CERKL: variants seen among roughly 807,000 people sequenced by gnomAD.
The protein encoded by CERKL is CERK like autophagy regulator, also known as ceramide kinase-like protein.
CERKL carries 61 observed loss-of-function variants against 63.4 expected under a neutral mutation model. That is an observed-to-expected ratio of 0.96 (90% CI 0.78 to 1.19). The LOEUF is 1.19. CERKL is among the 50% of genes most tolerant of loss of function. The probability of loss-of-function intolerance (pLI) is 0.00; values close to 1 mark genes in which losing one functional copy is unlikely to be tolerated. For missense variants in CERKL, 675 were observed against 655.5 expected, an observed-to-expected ratio of 1.03 and a Z score of -0.33; for synonymous variants, 250 against 230.5, an observed-to-expected ratio of 1.08 and a Z score of -0.77.
At chr2:181,592,109 C>A (rs1435013621) in intron 2 of CERKL, among the ~76,000 whole-genome samples, 1 of 152,126 alleles carries the variant, frequency 6.6e-6, no homozygotes, top group African/African-American at 2.4e-5. Flanking sequence ...GGGAAGACTT[C>A]TTTATCTTTC....
At position 181,543,232 on chromosome 2, in the gene CERKL, C is replaced by T. The variant is rs116446546; in HGVS notation, c.1365+1468G>A. ...TTGTTTCTATTTTCTGACTTAAAAACAGCAATGAATATATAGTGCTTTGGG... is the reference window on the plus strand; with the variant it reads ...TTGTTTCTATTTTCTGACTTAAAAATAGCAATGAATATATAGTGCTTTGGG... On this transcript the variant is annotated intron_variant, in intron 11 of 12. Coordinates refer to ENST00000410087, the MANE Select transcript of CERKL (RefSeq NM_201548.5). 4.9e-3 allele frequency among the ~76,000 whole-genome samples: 741 copies of T among 152,276 alleles called. 6 individuals are homozygous for T. The highest frequency in any genetic ancestry group is 8.4e-3 in the Non-Finnish European group (574 of 67,984).
intron 5 of CERKL, among the ~76,000 whole-genome samples, chr2:181,552,396 A>G (rs902562748): frequency 6.6e-6 from 1 of 152,120 alleles, no homozygotes; most frequent in Non-Finnish European, 1.5e-5. Flanking sequence ...GTGAGTTCTC[A>G]TGAGATCTGA....
intron 6 of CERKL, among the ~76,000 whole-genome samples, chr2:181,549,369 T>C (rs192520390): frequency 1.3e-5 from 2 of 152,314 alleles, no homozygotes; most frequent in Admixed American, 1.3e-4. Flanking sequence ...GGTTATAAAA[T>C]TATAATTTTG....
chr2:181,589,729 T>G (rs1218522556), intron 2 of CERKL, among the ~76,000 whole-genome samples: 3 of 152,136 alleles, frequency 2.0e-5, no homozygotes, highest in Admixed American at 2.0e-4. Flanking sequence ...ATGGGTGAAT[T>G]TATCTATAAG....
chr2:181,551,373 C>T (rs1305626453), intron 5 of CERKL, among the ~76,000 whole-genome samples: 1 of 152,026 alleles, frequency 6.6e-6, no homozygotes, highest in African/African-American at 2.4e-5. Context: ...TCAGAGTGAA[C>T]AGGCAACCTA....
rs1432059162 is a variant in CERKL at position 181,565,396 on chromosome 2, A to G, written c.677+662T>C. On this transcript the variant is annotated intron_variant, in intron 4 of 12. Coordinates refer to ENST00000410087, the MANE Select transcript of CERKL (RefSeq NM_201548.5). ...AACACTTTAGCAAATTGGTTCACCT[A>G]ATTTTAAAAAATGGCAATGAAATTT... 13 of 1,506,436 alleles carry G rather than the reference A, an allele frequency of 8.6e-6. No individual in the cohort carries two copies. The East Asian group carries it at 2.7e-4, about 31-fold the overall frequency. 93.3% of individuals were successfully genotyped at this position (1,506,436 alleles called of 1,614,324 possible). A position where few individuals can be genotyped will look rare whatever the true frequency, so the allele number is the denominator to read the frequency against.
At chr2:181,546,487 T>G (rs1464553473) in intron 10 of CERKL, among the ~76,000 whole-genome samples, 2 of 152,186 alleles carry the variant, frequency 1.3e-5, no homozygotes, top group African/African-American at 2.4e-5. Flanking sequence ...CACACAAGGT[T>G]CAAAATACTC....
intron 2 of CERKL, among the ~76,000 whole-genome samples, chr2:181,594,998 A>G (rs1446327745): frequency 6.6e-6 from 1 of 152,170 alleles, no homozygotes; most frequent in African/African-American, 2.4e-5. Flanking sequence ...TTTCCTATTT[A>G]TTCATACTGT....
intron 5 of CERKL, among the ~76,000 whole-genome samples, chr2:181,551,150 C>T (rs186411681): frequency 3.9e-5 from 6 of 152,188 alleles, no homozygotes; most frequent in African/African-American, 1.2e-4. Flanking sequence ...ATCATAAATA[C>T]GGAAGCTAAA....
At chr2:181,615,384 T>TACTGTA (rs1686147877) in intron 1 of CERKL, among the ~76,000 whole-genome samples, 1 of 152,236 alleles carries the variant, frequency 6.6e-6, no homozygotes, top group Non-Finnish European at 1.5e-5. Flanking sequence ...TTAAAAATAT[T>TACTGTA]ACTGTAAGCC....
intron 2 of CERKL, among the ~76,000 whole-genome samples, chr2:181,582,620 C>A (rs1296800138): frequency 1.3e-5 from 2 of 151,360 alleles, no homozygotes; most frequent in Non-Finnish European, 2.9e-5. Flanking sequence ...ACTCCAACCT[C>A]CGCCCCCTGG....
chr2:181,577,370 A>C (rs1044592698), intron 2 of CERKL, among the ~76,000 whole-genome samples: 16 of 152,154 alleles, frequency 1.1e-4, no homozygotes, highest in African/African-American at 3.6e-4. Flanking sequence ...AACTTTTAAG[A>C]GAGGAAAAAG....
At chr2:181,614,316 C>T (rs1006294085) in intron 1 of CERKL, among the ~76,000 whole-genome samples, 1 of 152,142 alleles carries the variant, frequency 6.6e-6, no homozygotes, top group East Asian at 1.9e-4. Flanking sequence ...CACTGCAAAA[C>T]ATTTATTTTT....
In CERKL at chr2:181,537,420, A is replaced by AACTT. The variant is rs774284692; in HGVS notation, c.*760_*763dup. 109 of 453,980 alleles carry AACTT rather than the reference A, an allele frequency of 2.4e-4. 1 individual carries two copies. The highest frequency in any genetic ancestry group is 2.0e-3 in the Admixed American group (87 of 42,536). The allele number at this position is 453,980 out of a possible 1,614,324, so 28.1% of individuals were successfully genotyped here. A position where few individuals can be genotyped will look rare whatever the true frequency, so the allele number is the denominator to read the frequency against. On this transcript the variant is annotated 3_prime_UTR_variant, in exon 13 of 13. Coordinates refer to ENST00000410087, the MANE Select transcript of CERKL (RefSeq NM_201548.5). Reference sequence around the variant, plus strand: ...CCAGTTCAAAATAGTATTTGTTATCAACTTACTTTGTTACTTGTATCATGA... The same window carrying AACTT: ...CCAGTTCAAAATAGTATTTGTTATCAACTTACTTACTTTGTTACTTGTATCATGA...
chr2:181,597,286 G>T (rs1685258985), intron 2 of CERKL, among the ~76,000 whole-genome samples: 1 of 152,122 alleles, frequency 6.6e-6, no homozygotes, highest in Non-Finnish European at 1.5e-5. Context: ...GGTTTAAAAA[G>T]ATTTTCTTTT....
intron 2 of CERKL, among the ~76,000 whole-genome samples, chr2:181,585,903 G>C (rs994929229): frequency 1.3e-4 from 20 of 152,256 alleles, no homozygotes; most frequent in Admixed American, 1.2e-3. Flanking sequence ...CCTTATCCTA[G>C]ACTTGAACTC....
chr2:181,647,035 T>C (rs1335636825), intron 1 of CERKL, among the ~76,000 whole-genome samples: 2 of 152,332 alleles, frequency 1.3e-5, no homozygotes, highest in Middle Eastern at 3.4e-3. Flanking sequence ...AACATATCTC[T>C]GCTTAAGTGA....
chr2:181,547,905 A>G (rs1281722683), intron 8 of CERKL, 58 bp from the exon 9 acceptor site: 2 of 1,406,174 alleles, frequency 1.4e-6, no homozygotes, highest in East Asian at 2.4e-5. Context: ...ACAGACACAC[A>G]GACACACACA....
chr2:181,574,436 C>T (rs1404614283), intron 2 of CERKL, among the ~76,000 whole-genome samples: 7 of 152,080 alleles, frequency 4.6e-5, no homozygotes, highest in South Asian at 2.1e-4. Context: ...AAGAGGGTTT[C>T]GGTCAGAGTT....
Sources: allele counts gnomAD v4.1 joint callset (sites outside exome capture counted in the v4.1 genomes callset), GRCh38; gene constraint gnomAD v4.1.1; transcripts MANE v1.5; gene names NCBI Gene and HGNC (gene_info 2026-07-23, HGNC 2026-07-21).